Variants in PDZD2 observed in about 807,000 individuals in gnomAD.
PDZD2 encodes PDZ domain containing 2.
PDZD2 carries 90 observed loss-of-function variants against 220.7 expected under a neutral mutation model. That is an observed-to-expected ratio of 0.41 (90% CI 0.34 to 0.49). The LOEUF is 0.49. Ranked by LOEUF, PDZD2 falls within the 20% of genes least tolerant of loss-of-function variation. PDZD2 has a pLI of 0.28. For missense variants in PDZD2, 3,174 were observed against 3,608.5 expected (o/e 0.88, Z 3.08); for synonymous variants, 1,375 against 1,450.5 (o/e 0.95, Z 1.18).
At chr5:31,917,439 C>T (rs949773245) in intron 2 of PDZD2, among the ~76,000 whole-genome samples, 1 of 152,144 alleles carries the variant, frequency 6.6e-6, no homozygotes, top group Non-Finnish European at 1.5e-5. Context: ...GAGGCAGGAG[C>T]ATCACTTGAG....
chr5:32,012,962 T>G (rs1321424259), intron 6 of PDZD2, among the ~76,000 whole-genome samples: 2 of 152,252 alleles, frequency 1.3e-5, no homozygotes, highest in East Asian at 3.9e-4. Context: ...TTTTACTATG[T>G]AAATGTTTTT....
chr5:31,832,230 A>C (rs758110051), intron 2 of PDZD2, among the ~76,000 whole-genome samples: 6 of 152,296 alleles, frequency 3.9e-5, no homozygotes, highest in Non-Finnish European at 7.4e-5. Context: ...ATTCATAGAA[A>C]CAGAAAATGA....
chr5:32,010,411 T>G lies in PDZD2; in HGVS notation c.1336T>G (p.Trp446Gly), dbSNP rs1344969415. ...LTSSVEDVSS[W>G]TDNEDQEADG... Reference sequence around the variant, plus strand: ...CAGCTCGGTAGAAGATGTGTCCTCCTGGACTGATAACGAAGACCAGGAGGC... The same window carrying G: ...CAGCTCGGTAGAAGATGTGTCCTCCGGGACTGATAACGAAGACCAGGAGGC... Residue 446 changes from tryptophan to glycine, a missense_variant, in exon 6 of 25, where the codon TGG becomes GGG. Around this residue, in one of 4 missense-constraint regions of PDZD2, gnomAD observed 632 missense variants for 708.1 expected, o/e 0.89. Transcript: ENST00000438447. The G allele has an allele frequency of 6.2e-7, 1 of 1,612,188 alleles. No individual in the cohort carries two copies. The highest frequency in any genetic ancestry group is 1.7e-5 in the Admixed American group (1 of 60,014).
chr5:32,069,941 T>G (rs930093588), intron 15 of PDZD2, among the ~76,000 whole-genome samples: 5 of 152,176 alleles, frequency 3.3e-5, no homozygotes, highest in Non-Finnish European at 7.4e-5. Flanking sequence ...TTCAAAATGC[T>G]AAAGATGAAA....
intron 1 of PDZD2, among the ~76,000 whole-genome samples, chr5:31,740,524 C>CAA (rs58965956): frequency 0.012 from 731 of 59,964 alleles, 55 homozygotes; most frequent in African/African-American, 0.028. Flanking sequence ...GACTCCGTCT[C>CAA]AAAAAAAAAA....
chr5:31,807,277 G>C (rs1754789183), intron 2 of PDZD2, among the ~76,000 whole-genome samples: 1 of 152,186 alleles, frequency 6.6e-6, no homozygotes, highest in Non-Finnish European at 1.5e-5. Flanking sequence ...ACAGTGCAAA[G>C]AATGCGGGCC....
chr5:31,808,845 GCA>G, intron 2 of PDZD2, among the ~76,000 whole-genome samples: 1 of 151,960 alleles, frequency 6.6e-6, no homozygotes, highest in East Asian at 1.9e-4. Flanking sequence ...GGGCATGGTG[GCA>G]CACACACCTG....
In PDZD2 at chr5:31,799,175, G is replaced by A; in HGVS notation, c.-74G>A. The A allele has an allele frequency of 1.0e-6, 1 of 977,002 alleles. No individual in the cohort carries two copies. Among genetic ancestry groups the A allele is most frequent in the Non-Finnish European group, 1.5e-6 (1 of 654,004 alleles). The allele number at this position is 977,002 out of a possible 1,614,324, so 60.5% of individuals were successfully genotyped here. A position where few individuals can be genotyped will look rare whatever the true frequency, so the allele number is the denominator to read the frequency against. ...GCTGATGATGGCCAGGGACCCCAGG[G>A]GACGTGGGGCCCTGTGGGGTCTGGC... On this transcript the variant is annotated 5_prime_UTR_variant, in exon 2 of 25. Coordinates refer to ENST00000438447, the MANE Select transcript of PDZD2 (RefSeq NM_178140.4).
At chr5:31,785,851 G>A (rs772912231) in intron 1 of PDZD2, among the ~76,000 whole-genome samples, 7 of 151,976 alleles carry the variant, frequency 4.6e-5, no homozygotes, top group East Asian at 1.9e-4. Context: ...GGTGGTTTTC[G>A]TCCTAGTTCC....
chr5:31,716,910 G>A (rs1278883899), intron 1 of PDZD2, among the ~76,000 whole-genome samples: 1 of 152,192 alleles, frequency 6.6e-6, no homozygotes, highest in African/African-American at 2.4e-5. Context: ...GATTAGGGCA[G>A]GGGGCCCTGT....
intron 1 of PDZD2, among the ~76,000 whole-genome samples, chr5:31,693,488 C>T (rs1329775596): frequency 1.3e-5 from 2 of 152,076 alleles, no homozygotes; most frequent in African/African-American, 4.8e-5. Flanking sequence ...GATCTGCCCA[C>T]CTCGGCCTTC....
intron 1 of PDZD2, among the ~76,000 whole-genome samples, chr5:31,658,374 C>T (rs369227280): frequency 6.6e-6 from 1 of 152,320 alleles, no homozygotes; most frequent in African/African-American, 2.4e-5. Flanking sequence ...GCGCTCTTTC[C>T]TTCCTGCTTC....
At chr5:32,037,481 C>A in intron 7 of PDZD2, 139 bp downstream of exon 7, 1 of 608,970 alleles carries the variant, frequency 1.6e-6, no homozygotes, top group East Asian at 2.8e-5. Context: ...TGGTGCATAT[C>A]CCAGGCATAA....
intron 7 of PDZD2, among the ~76,000 whole-genome samples, chr5:32,043,846 C>CA (rs770517421): frequency 1.2e-4 from 18 of 151,884 alleles, no homozygotes; most frequent in Non-Finnish European, 2.2e-4. Flanking sequence ...AGGCTGGTCT[C>CA]AAACTCCTGA....
At chr5:31,811,991 AAAATAAATAAATAAATAAAT>A (rs369835690) in intron 2 of PDZD2, among the ~76,000 whole-genome samples, 13 of 138,864 alleles carry the variant, frequency 9.4e-5, no homozygotes, top group South Asian at 2.4e-4. Flanking sequence ...CTCTGTCTCA[AAAATAAATAAATAAATAAAT>A]AAATAAATAA....
chr5:32,000,193 G>A lies in PDZD2; in HGVS notation c.1176G>A (p.Leu392=). The A allele has an allele frequency of 6.2e-7, 1 of 1,614,014 alleles. No individual in the cohort carries two copies. The highest frequency in any genetic ancestry group is 1.3e-5 in the African/African-American group (1 of 75,040). The change falls in exon 5 of 25, where the codon CTG becomes CTA. Residue 392 remains leucine, a synonymous_variant. Coordinates refer to ENST00000438447, the MANE Select transcript of PDZD2 (RefSeq NM_178140.4). This position sits in a 1 kb window ranked among gnomAD's most constrained non-coding sequence, Gnocchi z 4.5. The part of the protein sequence containing the change: ...DELLVINGHL[L]VGLSHEEAVA... ...TGCTGGTAATCAATGGTCATTTACT[G>A]GTCGGGCTCTCCCACGAGGAAGCAG...
chr5:31,995,866 G>A (rs1431794174), intron 4 of PDZD2, 148 bp downstream of exon 4: 2 of 731,974 alleles, frequency 2.7e-6, no homozygotes, highest in East Asian at 2.7e-5. Flanking sequence ...AGGAAACCAG[G>A]CAAGAGTGGT....
intron 1 of PDZD2, among the ~76,000 whole-genome samples, chr5:31,703,056 G>A (rs1747668583): frequency 6.6e-6 from 1 of 152,218 alleles, no homozygotes; most frequent in Non-Finnish European, 1.5e-5. Context: ...TCACCAGCTG[G>A]TCTTCTCAGC....
intron 23 of PDZD2, 45 bp from the exon 24 acceptor site, chr5:32,101,060 T>G: frequency 6.2e-7 from 1 of 1,612,724 alleles, no homozygotes; most frequent in Non-Finnish European, 8.5e-7. Flanking sequence ...TGTGGCATGA[T>G]GAACAACCCT....
Sources: gnomAD v4.1 joint callset for allele counts (sites outside exome capture counted in the v4.1 genomes callset) on GRCh38, gnomAD v4.1.1 for gene constraint, gnomAD v4.1.1 regional missense constraint, Gnocchi (gnomAD v3.1) non-coding constraint, MANE v1.5 for transcripts, NCBI Gene and HGNC (gene_info 2026-07-23, HGNC 2026-07-21) for gene names.